The following SLC6A16 variants were observed in gnomAD, a reference collection of about 807,000 sequenced individuals.
The protein encoded by SLC6A16 is solute carrier family 6 member 16, also known as orphan sodium- and chloride-dependent neurotransmitter transporter NTT5.
SLC6A16 carries 54 observed loss-of-function variants against 65.4 expected under a neutral mutation model. The observed-to-expected ratio is 0.83, with a 90% CI of 0.66 to 1.04. The LOEUF is 1.04. Among genes scored for constraint, SLC6A16 ranks in the 50% least tolerant of loss-of-function variants. The probability of loss-of-function intolerance (pLI) is 0.00; values close to 1 mark genes in which losing one functional copy is unlikely to be tolerated. For missense variants in SLC6A16, 816 were observed against 914.0 expected (o/e 0.89, Z 1.38); for synonymous variants, 330 against 346.5 (o/e 0.95, Z 0.53).
chr19:49,337,680 A>AC, the SLC6A16 span: 12 of 1,527,106 alleles, frequency 7.9e-6, no homozygotes, highest in Non-Finnish European at 1.1e-5. Context: ...CCAAAGGGAA[A>AC]CACACGGGAA....
In SLC6A16 at chr19:49,290,663, G is replaced by A; in HGVS notation, c.1883C>T (p.Thr628Ile). ...CPVVLLIIFV[T>I]MMVHLCMKPI... is the part of the protein sequence containing the mutation. ...CTTCATACAAAGATGAACCATCATG[G>A]TCACAAAGATGATTAGCAGCACAAC... The change falls in exon 11 of 12, where the codon ACC (threonine) becomes ATC (isoleucine). Residue 628 changes from threonine (T) to isoleucine (I), a missense_variant. Transcript: ENST00000335875. The A allele has an allele frequency of 6.2e-7, 1 of 1,614,070 alleles. No individual in the cohort carries two copies. The highest frequency in any genetic ancestry group is 8.5e-7 in the Non-Finnish European group (1 of 1,180,000).
chr19:49,298,729 C>T (rs954270137), intron 7 of SLC6A16, among the ~76,000 whole-genome samples: 4 of 152,108 alleles, frequency 2.6e-5, no homozygotes, highest in African/African-American at 4.8e-5. Flanking sequence ...GAAAATAAAT[C>T]GTTCTACCAA....
At chr19:49,295,178 G>A (rs950873808) in intron 7 of SLC6A16, among the ~76,000 whole-genome samples, 2 of 151,746 alleles carry the variant, frequency 1.3e-5, no homozygotes. Flanking sequence ...CTCATTGATC[G>A]AGACCATCCT....
At chr19:49,327,325 T>C (rs1600660749), upstream of SLC6A16, among the ~76,000 whole-genome samples, 1 of 152,222 alleles carries the variant, frequency 6.6e-6, no homozygotes, top group African/African-American at 2.4e-5. Context: ...TGACCTCAGG[T>C]GATCCGCCCG....
intron 5 of SLC6A16, 57 bp from the exon 6 acceptor site, chr19:49,309,468 T>C (rs1234020953): frequency 1.4e-6 from 2 of 1,405,876 alleles, no homozygotes; most frequent in African/African-American, 2.8e-5. Context: ...CAACCAACAG[T>C]TAGGAGGGAT....
At chr19:49,337,188 C>G in the SLC6A16 span, 1 of 1,614,184 alleles carries the variant, frequency 6.2e-7, no homozygotes, top group Non-Finnish European at 8.5e-7. Context: ...CACAGATCAC[C>G]CTGGGAATCC....
At chr19:49,331,646 A>T in the SLC6A16 span, 1 of 414,254 alleles carries the variant, frequency 2.4e-6, no homozygotes, top group Admixed American at 2.7e-5. Context: ...ATGTAAGTCC[A>T]AGGATAATTC....
the SLC6A16 span, chr19:49,337,710 G>T: frequency 6.5e-7 from 1 of 1,534,136 alleles, no homozygotes; most frequent in Non-Finnish European, 8.7e-7. Context: ...ACAAGAGAAA[G>T]AAATAGACGC....
chr19:49,298,011 T>G (rs1300448421), intron 7 of SLC6A16, among the ~76,000 whole-genome samples: 1 of 152,086 alleles, frequency 6.6e-6, no homozygotes, highest in Non-Finnish European at 1.5e-5. Context: ...ACAAATGAGA[T>G]GACATGGCCA....
At chr19:49,294,665 T>A in intron 7 of SLC6A16, 112 bp from the exon 8 acceptor site, 1 of 1,001,414 alleles carries the variant, frequency 1.0e-6, no homozygotes, top group Non-Finnish European at 1.5e-6. Context: ...ATTACTGATC[T>A]GGGTAAGATA....
upstream of SLC6A16, among the ~76,000 whole-genome samples, chr19:49,325,517 C>G (rs8099837): frequency 3.9e-5 from 6 of 152,158 alleles, no homozygotes; most frequent in East Asian, 1.9e-4. Context: ...TTCCTTCTAG[C>G]CTTCAAACCT....
At chr19:49,323,837 T>C (rs1242932221) in intron 1 of SLC6A16, among the ~76,000 whole-genome samples, 1 of 152,186 alleles carries the variant, frequency 6.6e-6, no homozygotes, top group Admixed American at 6.5e-5. Flanking sequence ...AATTACCATA[T>C]GATCCAGCAA....
chr19:49,294,861 G>A (rs572335467), intron 7 of SLC6A16, among the ~76,000 whole-genome samples: 2 of 152,180 alleles, frequency 1.3e-5, no homozygotes, highest in African/African-American at 4.8e-5. Flanking sequence ...TCTCCACTGA[G>A]ACTAACGGGT....
At chr19:49,311,439 T>G in intron 1 of SLC6A16, 28 bp from the exon 2 acceptor site, 1 of 1,414,396 alleles carries the variant, frequency 7.1e-7, no homozygotes. Context: ...CTGTAGATTT[T>G]AGATTTTAGA....
At chr19:49,337,709 A>C in the SLC6A16 span, 1 of 1,533,910 alleles carries the variant, frequency 6.5e-7, no homozygotes, top group Non-Finnish European at 8.7e-7. Context: ...AACAAGAGAA[A>C]GAAATAGACG....
In SLC6A16 at chr19:49,310,918, G is replaced by A; in HGVS notation, c.415+15C>T. The stretch of plus-strand genomic sequence containing the variant: ...TGCCCCTTGTGGACCCAGGTTTCCT[G>A]GTCCCCAGACTTACAGCCTCCACTG... On this transcript the variant is annotated intron_variant, in intron 2 of 11. Transcript: ENST00000335875. 1 of 1,591,878 alleles carries A rather than the reference G, an allele frequency of 6.3e-7. No homozygotes were observed. The highest frequency in any genetic ancestry group is 8.6e-7 in the Non-Finnish European group (1 of 1,164,744).
At chr19:49,338,798 C>T in the SLC6A16 span, 12 of 1,613,952 alleles carry the variant, frequency 7.4e-6, no homozygotes, top group Non-Finnish European at 1.0e-5. The surrounding 1 kb of genome is among the most constrained non-coding windows in gnomAD (Gnocchi z 5.0). Flanking sequence ...GCTCCTGCTA[C>T]AACTTGTCGG....
intron 7 of SLC6A16, among the ~76,000 whole-genome samples, chr19:49,303,714 T>C (rs376574934): frequency 6.6e-6 from 1 of 152,062 alleles, no homozygotes; most frequent in South Asian, 2.1e-4. Flanking sequence ...TGGTCTCATC[T>C]AACGCCCTTC....
rs536909742 is a variant in SLC6A16 at position 49,322,817 on chromosome 19, C to CTTTTTTTT, written c.-65+2223_-65+2230dup. 9.5e-5 allele frequency among the ~76,000 whole-genome samples: 4 copies of CTTTTTTTT among 42,006 alleles called. 2 individuals are homozygous for CTTTTTTTT. The highest frequency in any genetic ancestry group is 1.7e-4 in the African/African-American group (2 of 11,640). The allele number at this position is 42,006 out of a possible 152,430, so 27.6% of individuals were successfully genotyped here. A position where few individuals can be genotyped will look rare whatever the true frequency, so the allele number is the denominator to read the frequency against. ...CCAAAGCAATCTACAGAATTAGTAG[C>CTTTTTTTT]TTTTTTTTTTTTTTTTTTTTTTTTT... On this transcript the variant is annotated intron_variant, in intron 1 of 11. Transcript: ENST00000335875.
Sources: gnomAD v4.1 joint callset for allele counts (sites outside exome capture counted in the v4.1 genomes callset) on GRCh38, gnomAD v4.1.1 for gene constraint, Gnocchi (gnomAD v3.1) non-coding constraint, MANE v1.5 for transcripts, NCBI Gene and HGNC (gene_info 2026-07-23, HGNC 2026-07-21) for gene names.